The following PTGER3 variants were observed in gnomAD, a reference collection of about 807,000 sequenced individuals.
PTGER3 encodes the protein prostaglandin E2 receptor EP3 subtype.
In PTGER3, 22 loss-of-function variants were observed where a neutral mutation model predicts 34.7. The ratio of observed to expected loss-of-function variants is 0.63; its 90% CI spans 0.45 to 0.91. The LOEUF (loss-of-function observed/expected upper bound fraction) is 0.91, where lower values mean the gene tolerates loss of function less well. Among genes scored for constraint, PTGER3 ranks in the 40% least tolerant of loss-of-function variants. PTGER3 has a pLI of 0.00. For missense variants in PTGER3, 468 were observed against 519.4 expected (o/e 0.90, Z 0.96); for synonymous variants, 241 against 230.1 (o/e 1.05, Z -0.43).
rs771866191 is a variant in PTGER3, at chr1:71,047,272, C to T, written c.306G>A (p.Gly102=). 15 of 1,596,666 alleles carry T rather than the reference C, an allele frequency of 9.4e-6. No individual in the cohort carries two copies. In the South Asian group the frequency reaches 1.6e-4, roughly 17 times the overall value. The change falls in exon 1 of 4, where the codon GGG becomes GGA. Residue 102 remains glycine, a synonymous_variant. Coordinates refer to ENST00000306666, the MANE Select transcript of PTGER3 (RefSeq NM_198719.2). ...IGWLALTDLV[G]QLLTTPVVIV... is the part of the protein sequence containing the mutation. ...TGACGACCGGGGTGGTGAGAAGCTG[C>T]CCGACCAGGTCGGTGAGCGCCAGCC...
intron 4 of PTGER3, among the ~76,000 whole-genome samples, chr1:70,945,723 A>G (rs565377265): frequency 4.6e-5 from 7 of 152,248 alleles, no homozygotes; most frequent in African/African-American, 1.7e-4. Flanking sequence ...AAGGAAGTGC[A>G]TCAATAAAAC....
chr1:70,981,315 CCTTTCTTCTTTCTTTCTTTCT>C (rs1557708582), intron 2 of PTGER3, among the ~76,000 whole-genome samples: 2,486 of 94,334 alleles, frequency 0.026, 53 homozygotes, highest in African/African-American at 0.036. Context: ...TTCCTTCCTT[CCTTTCTTCTTTCTTTCTTTCT>C]TTCTTTCTTT....
At chr1:71,007,140 G>C (rs1249261350) in intron 2 of PTGER3, 2 of 985,548 alleles carry the variant, frequency 2.0e-6, no homozygotes, top group East Asian at 2.3e-4. Flanking sequence ...TGCTGAGGAG[G>C]AGAGGTGAAG....
At chr1:70,882,040 A>C (rs1402117847) in intron 4 of PTGER3, among the ~76,000 whole-genome samples, 1 of 152,132 alleles carries the variant, frequency 6.6e-6, no homozygotes, top group East Asian at 1.9e-4. Context: ...TGTGAATTGG[A>C]AACTCTGGCA....
At chr1:70,935,186 A>T (rs910254339) in intron 4 of PTGER3, among the ~76,000 whole-genome samples, 4 of 152,182 alleles carry the variant, frequency 2.6e-5, no homozygotes, top group African/African-American at 9.6e-5. Flanking sequence ...TTCAGAAATA[A>T]TTCATAAGAG....
Position 70,962,992 on chromosome 1 carries a change from C to T in PTGER3, c.1078-9203G>A, listed in dbSNP as rs1652096058. On this transcript the variant is annotated intron_variant, in intron 2 of 3. Coordinates refer to the PTGER3 transcript ENST00000356595. ...TTACTGCCTAGATACAATGGGGGTA[C>T]AGGCATTTGGTAAATACAGCTATTC... Among the ~76,000 whole-genome samples the T allele has an allele frequency of 1.3e-5, 2 of 152,196 alleles. 1 individual carries two copies. The highest frequency in any genetic ancestry group is 4.1e-4 in the South Asian group (2 of 4,834).
At chr1:71,010,694 T>C (rs1657361715) in intron 2 of PTGER3, 1 of 983,668 alleles carries the variant, frequency 1.0e-6, no homozygotes, top group South Asian at 4.7e-5. Flanking sequence ...GATTTTAGTA[T>C]AGTCTATTTA....
chr1:70,868,367 C>T (rs1050287826), intron 4 of PTGER3, among the ~76,000 whole-genome samples: 3 of 152,088 alleles, frequency 2.0e-5, no homozygotes, highest in South Asian at 2.1e-4. Context: ...ATTGTTTTCC[C>T]TTTGAGACTG....
chr1:70,991,943 G>A (rs540825035), intron 2 of PTGER3, among the ~76,000 whole-genome samples: 3 of 152,046 alleles, frequency 2.0e-5, no homozygotes, highest in Admixed American at 1.3e-4. Context: ...GAAAGCTTTT[G>A]GAAACCCTTT....
At chr1:70,936,631 C>T (rs553998447) in intron 4 of PTGER3, among the ~76,000 whole-genome samples, 2 of 152,094 alleles carry the variant, frequency 1.3e-5, no homozygotes, top group Non-Finnish European at 2.9e-5. Flanking sequence ...TTCAATTGGA[C>T]AGCAACATAA....
intron 2 of PTGER3, among the ~76,000 whole-genome samples, chr1:71,001,696 A>G (rs1402674481): frequency 6.6e-6 from 1 of 152,184 alleles, no homozygotes; most frequent in Non-Finnish European, 1.5e-5. Context: ...AGAAGATACC[A>G]CATAGAAATA....
intron 4 of PTGER3, among the ~76,000 whole-genome samples, chr1:70,879,042 A>G (rs1646330470): frequency 6.6e-6 from 1 of 152,110 alleles, no homozygotes; most frequent in South Asian, 2.1e-4. Flanking sequence ...TTTTGCCTCA[A>G]TGATATGGTT....
chr1:70,885,678 GCCCAAGAATAAGGTGCAGTCACT>G (rs935005965), intron 4 of PTGER3, among the ~76,000 whole-genome samples: 2 of 152,048 alleles, frequency 1.3e-5, no homozygotes, highest in African/African-American at 4.8e-5. Flanking sequence ...GGCTCTGAGG[GCCCAAGAATAAGGTGCAGTCACT>G]CCCTTCACCA....
intron 4 of PTGER3, among the ~76,000 whole-genome samples, chr1:70,868,505 C>T (rs1298385747): frequency 6.6e-6 from 1 of 152,084 alleles, no homozygotes; most frequent in African/African-American, 2.4e-5. Flanking sequence ...ACAAATAGAA[C>T]ATAGAAATCC....
At chr1:70,916,905 T>G (rs986173784) in intron 4 of PTGER3, among the ~76,000 whole-genome samples, 4 of 152,018 alleles carry the variant, frequency 2.6e-5, no homozygotes, top group Non-Finnish European at 5.9e-5. Context: ...AATTCACAAT[T>G]GACACGTAAT....
chr1:71,028,582 A>G (rs1203419123), intron 1 of PTGER3, among the ~76,000 whole-genome samples: 1 of 152,054 alleles, frequency 6.6e-6, no homozygotes, highest in African/African-American at 2.4e-5. Context: ...ATTTTTTACT[A>G]TGTTTCCCTA....
At position 71,006,869 on chromosome 1, in the gene PTGER3, T is replaced by C. The variant is rs1050675740; in HGVS notation, c.1077+5436A>G. The C allele has an allele frequency of 4.1e-6, 4 of 985,232 alleles. No homozygotes were observed. In the African/African-American group the frequency reaches 7.0e-5, roughly 17 times the overall value. The allele number at this position is 985,232 out of a possible 1,614,324, so 61.0% of individuals were successfully genotyped here. A position where few individuals can be genotyped will look rare whatever the true frequency, so the allele number is the denominator to read the frequency against. On this transcript the variant is annotated intron_variant, in intron 2 of 3. Coordinates refer to ENST00000306666, the MANE Select transcript of PTGER3 (RefSeq NM_198719.2). ...GAAAACACAGCGACATTTCAGAATA[T>C]TCAACTTTATTTTCCATTGACAAAC...
At chr1:70,902,597 T>C (rs1054573206) in intron 4 of PTGER3, among the ~76,000 whole-genome samples, 1 of 152,210 alleles carries the variant, frequency 6.6e-6, no homozygotes, top group Non-Finnish European at 1.5e-5. Context: ...CAGTCTTTCT[T>C]AATGATTAGA....
At chr1:70,959,563 A>G (rs1651709669) in intron 2 of PTGER3, among the ~76,000 whole-genome samples, 1 of 151,966 alleles carries the variant, frequency 6.6e-6, no homozygotes, top group Non-Finnish European at 1.5e-5. Context: ...GTTTCACCAT[A>G]TTGGCGAGGC....
Sources: allele counts gnomAD v4.1 joint callset (sites outside exome capture counted in the v4.1 genomes callset), GRCh38; gene constraint gnomAD v4.1.1; transcripts MANE v1.5; gene names NCBI Gene and HGNC (gene_info 2026-07-23, HGNC 2026-07-21).